CDH10: variants seen among roughly 807,000 people sequenced by gnomAD.
CDH10 encodes the protein cadherin 10, also known as cadherin-10.
A neutral mutation model predicts 73.1 loss-of-function variants in CDH10; 30 were observed. That is an observed-to-expected ratio of 0.41 (90% CI 0.31 to 0.56). The LOEUF is 0.56. Ranked by LOEUF, CDH10 falls within the 20% of genes least tolerant of loss-of-function variation. The probability of loss-of-function intolerance (pLI) is 0.27; values close to 1 mark genes in which losing one functional copy is unlikely to be tolerated. For missense variants in CDH10, 815 were observed against 973.7 expected, an observed-to-expected ratio of 0.84 and a Z score of 2.17; for synonymous variants, 345 against 348.2, an observed-to-expected ratio of 0.99 and a Z score of 0.10.
chr5:24,579,075 G>A (rs982181296), intron 2 of CDH10, among the ~76,000 whole-genome samples: 3 of 151,504 alleles, frequency 2.0e-5, no homozygotes, highest in Non-Finnish European at 4.4e-5. Context: ...TTACTAAAGG[G>A]GAAATAAACA....
chr5:24,555,592 C>T (rs192666702), intron 2 of CDH10, among the ~76,000 whole-genome samples: 1 of 152,040 alleles, frequency 6.6e-6, no homozygotes, highest in Non-Finnish European at 1.5e-5. Context: ...AGTATCACAG[C>T]GGAAAGACAC....
chr5:24,537,516 T>C lies in CDH10; in HGVS notation c.390A>G (p.Gln130=), dbSNP rs2111894782. Residue 130 remains glutamine, a synonymous_variant, in exon 3 of 12, where the codon CAA becomes CAG. Transcript: ENST00000264463. Reference sequence around the variant, plus strand: ...GCCTCAGAGTTCTTCTGTTAATAGCTTGTGCGCGTAGAGTATAAAAGGCCT... The same window carrying C: ...GCCTCAGAGTTCTTCTGTTAATAGCCTGTGCGCGTAGAGTATAAAAGGCCT... ...EEKAFYTLRA[Q]AINRRTLRPV... The C allele has an allele frequency of 6.2e-7, 1 of 1,613,346 alleles. No homozygotes were observed. Among genetic ancestry groups the C allele is most frequent in the South Asian group, 1.1e-5 (1 of 91,068 alleles).
chr5:24,504,519 T>G (rs1363211644), intron 8 of CDH10, among the ~76,000 whole-genome samples: 3,971 of 46,098 alleles, frequency 0.086, 870 homozygotes, highest in Middle Eastern at 0.13. Context: ...TTTTTTTTTT[T>G]TTTTTTTTTT....
chr5:24,502,338 T>C (rs1053493302), intron 8 of CDH10, among the ~76,000 whole-genome samples: 1 of 152,316 alleles, frequency 6.6e-6, no homozygotes, highest in African/African-American at 2.4e-5. Context: ...TATTTGTATG[T>C]ATGGAATGTA....
intron 2 of CDH10, among the ~76,000 whole-genome samples, chr5:24,588,735 C>G: frequency 6.6e-6 from 1 of 152,134 alleles, no homozygotes; most frequent in East Asian, 1.9e-4. Context: ...TTGAGTTAGT[C>G]TCTCATGGAT....
chr5:24,545,564 C>T (rs1243744833), intron 2 of CDH10, among the ~76,000 whole-genome samples: 1 of 152,052 alleles, frequency 6.6e-6, no homozygotes, highest in Non-Finnish European at 1.5e-5. Context: ...CCTATAATCT[C>T]GGTGCTTTGG....
intron 2 of CDH10, among the ~76,000 whole-genome samples, chr5:24,550,155 G>A (rs73743635): frequency 2.0e-5 from 3 of 151,978 alleles, no homozygotes; most frequent in African/African-American, 7.3e-5. Flanking sequence ...TAGAAATAAA[G>A]TACATGAAAA....
chr5:24,615,849 G>A (rs996635031), intron 1 of CDH10, among the ~76,000 whole-genome samples: 6 of 152,208 alleles, frequency 3.9e-5, no homozygotes, highest in Non-Finnish European at 5.9e-5. Context: ...CTTGAGGCAT[G>A]AGGAGGTCCT....
intron 1 of CDH10, among the ~76,000 whole-genome samples, chr5:24,616,049 T>C (rs1470668813): frequency 2.0e-5 from 3 of 152,072 alleles, no homozygotes; most frequent in African/African-American, 4.8e-5. Flanking sequence ...ATGTTGACTG[T>C]AATTATTTTG....
chr5:24,559,044 T>C (rs552021965), intron 2 of CDH10, among the ~76,000 whole-genome samples: 1 of 152,046 alleles, frequency 6.6e-6, no homozygotes, highest in South Asian at 2.1e-4. Flanking sequence ...TAGTTTGAAT[T>C]ATTTGTTTTA....
intron 2 of CDH10, among the ~76,000 whole-genome samples, chr5:24,539,412 AAAAT>A (rs146715272): frequency 5.9e-4 from 89 of 152,064 alleles, no homozygotes; most frequent in African/African-American, 2.0e-3. Flanking sequence ...AAAAATATTT[AAAAT>A]AAATAAAATT....
At position 24,573,663 on chromosome 5, in the gene CDH10, T is replaced by C. The variant is rs559644850; in HGVS notation, c.231+19597A>G. The stretch of plus-strand genomic sequence containing the variant: ...TTGCAGTGAGCGGAGATCGCGCCAC[T>C]GCAGTCCAGCCTGGGCGACAGAGCG... On this transcript the variant is annotated intron_variant, in intron 2 of 11. Coordinates refer to ENST00000264463, the MANE Select transcript of CDH10 (RefSeq NM_006727.5). Among the ~76,000 whole-genome samples the C allele has an allele frequency of 2.8e-5, 4 of 142,988 alleles. No individual in the cohort carries two copies. The South Asian group carries it at 8.8e-4, about 32-fold the overall frequency. The allele number at this position is 142,988 out of a possible 152,430, so 93.8% of individuals were successfully genotyped here.
intron 2 of CDH10, among the ~76,000 whole-genome samples, chr5:24,551,942 T>A (rs1361343697): frequency 1.3e-5 from 2 of 152,110 alleles, no homozygotes; most frequent in Non-Finnish European, 2.9e-5. Context: ...TGACATGGAT[T>A]TTTATTTATT....
At chr5:24,589,883 A>C (rs751062001) in intron 2 of CDH10, among the ~76,000 whole-genome samples, 22 of 152,100 alleles carry the variant, frequency 1.4e-4, no homozygotes, top group Non-Finnish European at 3.1e-4. Context: ...TATTTATAGA[A>C]GGTTTCACTA....
chr5:24,600,326 T>C (rs1409366490), intron 1 of CDH10, among the ~76,000 whole-genome samples: 1 of 152,176 alleles, frequency 6.6e-6, no homozygotes, highest in Non-Finnish European at 1.5e-5. Context: ...CAACAGAGCA[T>C]GTTTGGGATT....
intron 5 of CDH10, among the ~76,000 whole-genome samples, chr5:24,513,342 C>A: frequency 6.6e-6 from 1 of 152,004 alleles, no homozygotes; most frequent in Middle Eastern, 3.2e-3. Context: ...TTCTATATTT[C>A]TCTCACATAA....
chr5:24,640,941 T>A (rs1748031525), intron 1 of CDH10, among the ~76,000 whole-genome samples: 2 of 151,846 alleles, frequency 1.3e-5, no homozygotes, highest in African/African-American at 4.8e-5. Context: ...GATAAGAGAG[T>A]TAAGCAAAAG....
At chr5:24,593,154 T>G in intron 2 of CDH10, 106 bp downstream of exon 2, 1 of 665,388 alleles carries the variant, frequency 1.5e-6, no homozygotes, top group Middle Eastern at 4.1e-4. Context: ...TAGGGAGATT[T>G]AAAGAATCAG....
At position 24,487,547 on chromosome 5, in the gene CDH10, G is replaced by T; in HGVS notation, c.*116C>A. 1 of 941,888 alleles carries T rather than the reference G, an allele frequency of 1.1e-6. No homozygotes were observed. Among genetic ancestry groups the T allele is most frequent in the Non-Finnish European group, 1.6e-6 (1 of 615,784 alleles). 58.3% of individuals were successfully genotyped at this position (941,888 alleles called of 1,614,324 possible). The stretch of plus-strand genomic sequence containing the variant: ...TTAATGAACAAATTAAGAAGTAAAT[G>T]AGAAAAAAAATTGTGCTGACTGGCA... On this transcript the variant is annotated 3_prime_UTR_variant, in exon 12 of 12. Coordinates refer to ENST00000264463, the MANE Select transcript of CDH10 (RefSeq NM_006727.5).
Sources: allele counts gnomAD v4.1 joint callset (sites outside exome capture counted in the v4.1 genomes callset), GRCh38; gene constraint gnomAD v4.1.1; transcripts MANE v1.5; gene names NCBI Gene and HGNC (gene_info 2026-07-23, HGNC 2026-07-21).